Variants in PLIN3 observed in about 807,000 individuals in gnomAD.
PLIN3 encodes perilipin-3.
Under a neutral mutation model 35.9 loss-of-function variants are expected in PLIN3, and 30 were observed. That is an observed-to-expected ratio of 0.84 (90% CI 0.62 to 1.13). The LOEUF (loss-of-function observed/expected upper bound fraction) is 1.13, where lower values mean the gene tolerates loss of function less well. Ranked by LOEUF, PLIN3 falls within the 50% of genes most tolerant of loss-of-function variation. PLIN3 has a pLI of 0.00. For missense variants in PLIN3, 603 were observed against 596.9 expected (o/e 1.01, Z -0.11); for synonymous variants, 261 against 262.5 (o/e 0.99, Z 0.06).
intron 7 of PLIN3, among the ~76,000 whole-genome samples, chr19:4,844,098 G>A (rs745791943): frequency 1.4e-4 from 21 of 152,038 alleles, no homozygotes; most frequent in Non-Finnish European, 2.6e-4. Flanking sequence ...GACAGGCAGC[G>A]AGACCCATTA....
At chr19:4,842,581 C>G (rs1014108311) in intron 7 of PLIN3, among the ~76,000 whole-genome samples, 3 of 114,658 alleles carry the variant, frequency 2.6e-5, no homozygotes, top group Non-Finnish European at 4.9e-5. Context: ...GCCAGGGTGA[C>G]AGAGTGAGAC....
At chr19:4,857,242 G>T (rs945602634) in intron 4 of PLIN3, among the ~76,000 whole-genome samples, 5 of 151,710 alleles carry the variant, frequency 3.3e-5, no homozygotes, top group African/African-American at 9.7e-5. Flanking sequence ...GTTGGAGACC[G>T]GCCTGGGCAA....
chr19:4,862,225 C>A (rs1258630862), intron 1 of PLIN3, among the ~76,000 whole-genome samples: 7 of 151,474 alleles, frequency 4.6e-5, no homozygotes, highest in Admixed American at 2.6e-4. Context: ...CCACCTCCCA[C>A]GTTCAAGCAA....
At position 4,859,981 on chromosome 19, in the gene PLIN3, G is replaced by C; in HGVS notation, c.110C>G (p.Ser37Cys). The C allele has an allele frequency of 1.2e-6, 2 of 1,614,140 alleles. No homozygotes were observed. Among genetic ancestry groups the C allele is most frequent in the Non-Finnish European group, 1.7e-6 (2 of 1,180,032 alleles). The change falls in exon 3 of 8, where the codon TCC becomes TGC. Residue 37 changes from serine (S) to cysteine (C), a missense_variant. Physicochemically the swap from Ser to Cys is moderately radical, Grantham distance 112 (BLOSUM62 -1). Coordinates refer to ENST00000221957, the MANE Select transcript of PLIN3 (RefSeq NM_005817.5). ...DRVASMPLIS[S>C]TCDMVSAAYA... ...GGCTGCGGACACCATGTCGCAGGTGGAGCTGATCAGAGGCATGCTGGCCAC... is the reference window on the plus strand; with the variant it reads ...GGCTGCGGACACCATGTCGCAGGTGCAGCTGATCAGAGGCATGCTGGCCAC...
At chr19:4,857,941 A>G (rs2030526784) in intron 4 of PLIN3, among the ~76,000 whole-genome samples, 1 of 148,924 alleles carries the variant, frequency 6.7e-6, no homozygotes. Flanking sequence ...GCACCAGTGC[A>G]CTCCAGCCTG....
At position 4,859,884 on chromosome 19, in the gene PLIN3, G is replaced by C. The variant is rs757295388; in HGVS notation, c.207C>G (p.Thr69=). Residue 69 remains threonine (T), a synonymous_variant, in exon 3 of 8, where the codon ACC becomes ACG. Coordinates refer to ENST00000221957, the MANE Select transcript of PLIN3 (RefSeq NM_005817.5). ...CCCCGCTGACAGCAGCCGCCGTGAG[G>C]GTCCTCACTCCCTTCTCTGCTGCGT... ...VCDAAEKGVR[T]LTAAAVSGAQ... The C allele has an allele frequency of 6.2e-7, 1 of 1,613,614 alleles. No homozygotes were observed. The highest frequency in any genetic ancestry group is 1.3e-5 in the African/African-American group (1 of 74,926).
chr19:4,850,773 G>A (rs997684658), intron 5 of PLIN3, among the ~76,000 whole-genome samples: 1 of 151,610 alleles, frequency 6.6e-6, no homozygotes, highest in Non-Finnish European at 1.5e-5. Flanking sequence ...GTTTCACCAT[G>A]TTGGCCAGGC....
In PLIN3 at chr19:4,852,206, C is replaced by T. The variant is rs377546619; in HGVS notation, c.444G>A (p.Ser148=). Residue 148 remains serine (S), a synonymous_variant, in exon 5 of 8, where the codon TCG becomes TCA. Transcript: ENST00000221957. ...CACCGCGGGTCGCGTCCACCGCCTCCGACAATTGGGTGGCCACCGTGTCCT... is the reference window on the plus strand; with the variant it reads ...CACCGCGGGTCGCGTCCACCGCCTCTGACAATTGGGTGGCCACCGTGTCCT... ...SAKDTVATQL[S]EAVDATRGAV... 42 of 1,612,380 alleles carry T rather than the reference C, an allele frequency of 2.6e-5. 1 individual carries two copies. The highest frequency in any genetic ancestry group is 1.6e-4 in the Middle Eastern group (1 of 6,084).
intron 4 of PLIN3, among the ~76,000 whole-genome samples, chr19:4,854,243 C>T (rs1450242331): frequency 6.6e-6 from 1 of 152,004 alleles, no homozygotes; most frequent in Non-Finnish European, 1.5e-5. Context: ...GAAGCTAAGT[C>T]TTTAGACAGA....
intron 6 of PLIN3, among the ~76,000 whole-genome samples, chr19:4,846,813 T>A (rs1023096212): frequency 6.6e-6 from 1 of 151,934 alleles, no homozygotes; most frequent in African/African-American, 2.4e-5. Context: ...AGAAGGACAC[T>A]CTGATCTTGG....
At chr19:4,856,396 TA>T (rs1399098642) in intron 4 of PLIN3, among the ~76,000 whole-genome samples, 2 of 151,830 alleles carry the variant, frequency 1.3e-5, no homozygotes, top group African/African-American at 4.8e-5. Flanking sequence ...CCATCTCTAC[TA>T]AAAAGATAAA....
intron 7 of PLIN3, among the ~76,000 whole-genome samples, chr19:4,841,522 T>G (rs2146194781): frequency 6.6e-6 from 1 of 151,740 alleles, no homozygotes; most frequent in South Asian, 2.1e-4. Flanking sequence ...TAGGGATAGT[T>G]GCACAATGCT....
chr19:4,844,668 C>G lies in PLIN3; in HGVS notation c.960G>C (p.Glu320Asp). Residue 320 changes from glutamate to aspartate, a missense_variant and splice_region_variant, in exon 7 of 8, where the codon GAG (glutamate) becomes GAC (aspartate). Coordinates refer to ENST00000221957, the MANE Select transcript of PLIN3 (RefSeq NM_005817.5). ...QGPEKEPPKP[E>D]QVESRALTMF... ...CACCCCCCAGTCCCCTCATGGGTAC[C>G]TCTGGCTTGGGCGGCTCCTTCTCGG... 6.2e-7 allele frequency: 1 copy of G among 1,608,410 alleles called. No individual in the cohort carries two copies. The highest frequency in any genetic ancestry group is 8.5e-7 in the Non-Finnish European group (1 of 1,177,928).
intron 4 of PLIN3, among the ~76,000 whole-genome samples, chr19:4,858,221 G>A (rs1208595842): frequency 7.8e-6 from 1 of 127,726 alleles, no homozygotes; most frequent in Non-Finnish European, 1.6e-5. Context: ...GCAGTGAGCC[G>A]AGATTGCACC....
intron 4 of PLIN3, 81 bp downstream of exon 4, chr19:4,859,509 T>C: frequency 8.4e-7 from 1 of 1,184,618 alleles, no homozygotes; most frequent in African/African-American, 1.5e-5. Flanking sequence ...ATCAAGCTTG[T>C]CTAGTTAAGC....
Position 4,839,365 on chromosome 19 carries a change from A to G in PLIN3, c.1132T>C (p.Ser378Pro), listed in dbSNP as rs375974813. 22 of 1,613,484 alleles carry G rather than the reference A, an allele frequency of 1.4e-5. No homozygotes were observed. The highest frequency in any genetic ancestry group is 1.9e-5 in the Non-Finnish European group (22 of 1,179,558). ...DLQATFSSIH[S>P]FQDLSSSILA... is the part of the protein sequence containing the mutation. ...ATGCTGCTGGACAGGTCCTGGAAGG[A>G]GTGGATGCTGGAAAACGTGGCCTGG... The change falls in exon 8 of 8, where the codon TCC (serine) becomes CCC (proline). Residue 378 changes from serine to proline, a missense_variant. Ser to Pro is a moderately conservative substitution (Grantham distance 74). Transcript: ENST00000221957.
Position 4,861,306 on chromosome 19 carries a change from CCCTGGTCCCGGCCCTTCCTCA to C in PLIN3, c.66+2_66+22del. 6.2e-7 allele frequency: 1 copy of C among 1,606,820 alleles called. No homozygotes were observed. The highest frequency in any genetic ancestry group is 8.5e-7 in the Non-Finnish European group (1 of 1,173,750). The stretch of plus-strand genomic sequence containing the variant: ...ACGGGAATCACAGGGTCGGGGCAGT[CCCTGGTCCCGGCCCTTCCTCA>C]CCTGCTGTACCGGTTCTTCCACTGT... On this transcript the variant is annotated splice_donor_variant and splice_donor_5th_base_variant and intron_variant, in intron 2 of 7. Transcript: ENST00000221957. LOFTEE classifies it high-confidence loss of function.
chr19:4,853,120 G>T (rs199766919), intron 4 of PLIN3, among the ~76,000 whole-genome samples: 16 of 145,860 alleles, frequency 1.1e-4, no homozygotes, highest in Non-Finnish European at 1.7e-4. Flanking sequence ...CCTGTTTTTT[G>T]TTTTTTTTTT....
chr19:4,851,962 T>A (rs1406128973), intron 5 of PLIN3, 54 bp downstream of exon 5: 1 of 1,563,830 alleles, frequency 6.4e-7, no homozygotes, highest in Non-Finnish European at 8.7e-7. Flanking sequence ...GACAGCGGCT[T>A]CCGGTCAGGG....
Sources: gnomAD v4.1 joint callset for allele counts (sites outside exome capture counted in the v4.1 genomes callset) on GRCh38, gnomAD v4.1.1 for gene constraint, MANE v1.5 for transcripts, NCBI Gene and HGNC (gene_info 2026-07-23, HGNC 2026-07-21) for gene names.